Variants in ARHGEF38 observed in about 807,000 individuals in gnomAD.
ARHGEF38 encodes the protein Rho guanine nucleotide exchange factor (GEF) 38.
A neutral mutation model predicts 79.9 loss-of-function variants in ARHGEF38; 79 were observed. The ratio of observed to expected loss-of-function variants is 0.99; its 90% confidence interval spans 0.82 to 1.19. The LOEUF is 1.19. Among genes scored for constraint, ARHGEF38 ranks in the 50% most tolerant of loss-of-function variants. The pLI is 0.00. For synonymous variants in ARHGEF38, 366 were observed against 328.3 expected (o/e 1.11, Z -1.24); for missense variants, 962 against 907.2 (o/e 1.06, Z -0.78).
intron 2 of ARHGEF38, among the ~76,000 whole-genome samples, chr4:105,594,950 C>A (rs191752106): frequency 1.5e-3 from 223 of 152,246 alleles, no homozygotes; most frequent in Non-Finnish European, 2.6e-3. Flanking sequence ...GTGAGAGATA[C>A]TCTATGTTTT....
intron 3 of ARHGEF38, among the ~76,000 whole-genome samples, chr4:105,625,464 G>A (rs1728906655): frequency 6.6e-6 from 1 of 152,192 alleles, no homozygotes; most frequent in African/African-American, 2.4e-5. Flanking sequence ...GAGCTGTACG[G>A]CAGCTCTGCT....
At chr4:105,592,633 A>G (rs567730717) in intron 2 of ARHGEF38, among the ~76,000 whole-genome samples, 1 of 152,252 alleles carries the variant, frequency 6.6e-6, no homozygotes, top group South Asian at 2.1e-4. Context: ...TGTGCAGCAG[A>G]ATTAATCTCT....
At chr4:105,566,861 C>G (rs571099008) in intron 1 of ARHGEF38, among the ~76,000 whole-genome samples, 12 of 151,884 alleles carry the variant, frequency 7.9e-5, no homozygotes, top group African/African-American at 2.7e-4. Context: ...TCAAGCGATT[C>G]TCCTGCCTCA....
intron 3 of ARHGEF38, among the ~76,000 whole-genome samples, chr4:105,617,409 A>G (rs986973283): frequency 1.3e-5 from 2 of 152,188 alleles, no homozygotes; most frequent in African/African-American, 4.8e-5. Flanking sequence ...GAAAATTTGC[A>G]TTTATTTTTA....
chr4:105,570,733 A>G lies in ARHGEF38; in HGVS notation c.196+17772A>G, dbSNP rs564366950. Among the ~76,000 whole-genome samples the G allele has an allele frequency of 2.0e-5, 3 of 152,282 alleles. No homozygotes were observed. The South Asian group carries it at 6.2e-4, about 32-fold the overall frequency. ...ACACGTAGGGATTATGGGATCTACA[A>G]TTCAAGATGAGATTTGGGTGGGGAC... On this transcript the variant is annotated intron_variant, in intron 1 of 13. Coordinates refer to ENST00000420470, the MANE Select transcript of ARHGEF38 (RefSeq NM_001242729.2).
rs1366482419 is a variant in ARHGEF38 at position 105,659,241 on chromosome 4, TGGAG to T, written c.1423_1426del (p.Glu475SerfsTer14). The T allele has an allele frequency of 2.0e-6, 3 of 1,536,118 alleles. No homozygotes were observed. The South Asian group carries it at 3.6e-5, about 18-fold the overall frequency. On this transcript the variant is annotated frameshift_variant, in exon 10 of 14. Coordinates refer to ENST00000420470, the MANE Select transcript of ARHGEF38 (RefSeq NM_001242729.2). LOFTEE classifies it high-confidence loss of function. Reference sequence around the variant, plus strand: ...TATGAGGCCCTCAACGCCCAGCTTGTGGAGGAGCTCCAGGCATTCAACCAGGCTG... The same window carrying T: ...TATGAGGCCCTCAACGCCCAGCTTGTGAGCTCCAGGCATTCAACCAGGCTG...
intron 1 of ARHGEF38, among the ~76,000 whole-genome samples, chr4:105,564,218 T>C (rs1207346086): frequency 2.0e-5 from 3 of 152,242 alleles, no homozygotes; most frequent in Non-Finnish European, 4.4e-5. Flanking sequence ...TATTGCTCTT[T>C]GAAAATATTT....
At chr4:105,582,202 A>T (rs1726830755) in intron 1 of ARHGEF38, among the ~76,000 whole-genome samples, 1 of 150,254 alleles carries the variant, frequency 6.7e-6, no homozygotes, top group Non-Finnish European at 1.5e-5. Context: ...CTTGCAATGT[A>T]GCTGCAAGGA....
chr4:105,589,992 C>A (rs539094579), intron 2 of ARHGEF38, among the ~76,000 whole-genome samples: 1 of 149,006 alleles, frequency 6.7e-6, no homozygotes, highest in South Asian at 2.1e-4. Flanking sequence ...TGAGCCAAAT[C>A]GCGCCATTGC....
intron 2 of ARHGEF38, among the ~76,000 whole-genome samples, chr4:105,589,971 A>G (rs570115460): frequency 1.3e-5 from 2 of 151,110 alleles, no homozygotes; most frequent in Admixed American, 1.3e-4. Context: ...CCCGGGAGAC[A>G]GAGGTTGCAA....
intron 2 of ARHGEF38, among the ~76,000 whole-genome samples, chr4:105,591,158 A>G (rs1727313124): frequency 6.6e-6 from 1 of 152,188 alleles, no homozygotes; most frequent in Non-Finnish European, 1.5e-5. Context: ...CTAGCCTGTC[A>G]TGCCCCCAAC....
At chr4:105,558,737 G>A (rs1457807097) in intron 1 of ARHGEF38, among the ~76,000 whole-genome samples, 1 of 151,936 alleles carries the variant, frequency 6.6e-6, no homozygotes, top group East Asian at 1.9e-4. Flanking sequence ...ATTGTGATGG[G>A]CAAATTTATT....
intron 13 of ARHGEF38, among the ~76,000 whole-genome samples, chr4:105,669,099 T>C (rs1429445563): frequency 6.6e-6 from 1 of 152,170 alleles, no homozygotes; most frequent in African/African-American, 2.4e-5. Flanking sequence ...CTTCTCCCCT[T>C]GTCCTGTGCT....
In ARHGEF38 at chr4:105,645,550, C is replaced by G. The variant is rs755807763; in HGVS notation, c.874+163C>G. Among the ~76,000 whole-genome samples, 7 of 152,238 alleles carry G rather than the reference C, an allele frequency of 4.6e-5. No homozygotes were observed. The South Asian group carries it at 6.2e-4, about 14-fold the overall frequency. ...GAAGAGTGTGGTTTTGCCTTGTCAG[C>G]TGGGTTAAGGAGAAGATTAAGAGGC... On this transcript the variant is annotated intron_variant, in intron 6 of 13. Transcript: ENST00000420470.
chr4:105,572,938 G>A (rs1298972387), intron 1 of ARHGEF38, among the ~76,000 whole-genome samples: 1 of 152,136 alleles, frequency 6.6e-6, no homozygotes, highest in Non-Finnish European at 1.5e-5. Context: ...CCTTATGGGT[G>A]CAAAGTGGTA....
chr4:105,589,452 GA>G lies in ARHGEF38; in HGVS notation c.384+18del. 1.9e-6 allele frequency: 3 copies of G among 1,590,630 alleles called. No individual in the cohort carries two copies. Among genetic ancestry groups the G allele is most frequent in the South Asian group, 2.3e-5 (2 of 86,964 alleles). Reference sequence around the variant, plus strand: ...AATAAAAAGGTAAATATATATTTGAGATTTTTTTTTCTCTCCCATATCATAA... The same window carrying G: ...AATAAAAAGGTAAATATATATTTGAGTTTTTTTTTCTCTCCCATATCATAA... On this transcript the variant is annotated intron_variant, in intron 2 of 13. Coordinates refer to ENST00000420470, the MANE Select transcript of ARHGEF38 (RefSeq NM_001242729.2).
intron 2 of ARHGEF38, among the ~76,000 whole-genome samples, chr4:105,609,051 G>A (rs1436119268): frequency 6.6e-6 from 1 of 152,050 alleles, no homozygotes; most frequent in African/African-American, 2.4e-5. Context: ...TGTTTCCTGT[G>A]ATTTGGGGTC....
At chr4:105,650,576 A>G (rs188398455) in intron 7 of ARHGEF38, among the ~76,000 whole-genome samples, 50 of 152,108 alleles carry the variant, frequency 3.3e-4, no homozygotes, top group African/African-American at 1.2e-3. Flanking sequence ...CTTTCTCTTT[A>G]CTCCTATCTT....
In ARHGEF38 at chr4:105,655,656, C is replaced by T; in HGVS notation, c.1167C>T (p.Tyr389=). 6.5e-7 allele frequency: 1 copy of T among 1,535,880 alleles called. No homozygotes were observed. Among genetic ancestry groups the T allele is most frequent in the Non-Finnish European group, 8.7e-7 (1 of 1,146,708 alleles). Residue 389 remains tyrosine (Y), a synonymous_variant, in exon 9 of 14, where the codon TAC becomes TAT. Coordinates refer to ENST00000420470, the MANE Select transcript of ARHGEF38 (RefSeq NM_001242729.2). ...TGATGGACCTTCAGGAGATTTCATA[C>T]AACAAAGACGATGAGATGGACTATT... ...QSVMDLQEIS[Y]NKDDEMDYSE...
Sources: allele counts gnomAD v4.1 joint callset (sites outside exome capture counted in the v4.1 genomes callset), GRCh38; gene constraint gnomAD v4.1.1; transcripts MANE v1.5; gene names NCBI Gene and HGNC (gene_info 2026-07-23, HGNC 2026-07-21).